The following MACROD2 variants were observed in gnomAD, a reference collection of about 807,000 sequenced individuals.
MACROD2 encodes the protein mono-ADP ribosylhydrolase 2.
Under a neutral mutation model 70.4 loss-of-function variants are expected in MACROD2, and 36 were observed. The ratio of observed to expected loss-of-function variants is 0.51; its 90% CI spans 0.39 to 0.68. The LOEUF is 0.68. Ranked by LOEUF, MACROD2 falls within the 30% of genes least tolerant of loss-of-function variation. MACROD2 has a pLI of 0.00. For synonymous variants in MACROD2, 172 were observed against 178.8 expected, an observed-to-expected ratio of 0.96 and a Z score of 0.30; for missense variants, 496 against 538.4, an observed-to-expected ratio of 0.92 and a Z score of 0.78.
intron 3 of MACROD2, among the ~76,000 whole-genome samples, chr20:14,255,169 C>T (rs1275486652): frequency 6.6e-6 from 1 of 151,962 alleles, no homozygotes; most frequent in Non-Finnish European, 1.5e-5. Context: ...CTGCCCTTAA[C>T]AATATTAACC....
At chr20:15,295,016 C>G (rs531819254) in intron 6 of MACROD2, among the ~76,000 whole-genome samples, 36 of 152,182 alleles carry the variant, frequency 2.4e-4, no homozygotes, top group Admixed American at 2.6e-4. Context: ...TTATAGCTCC[C>G]ATAATCCCCA....
At chr20:14,589,563 T>TA (rs1156961563) in intron 4 of MACROD2, among the ~76,000 whole-genome samples, 5 of 152,308 alleles carry the variant, frequency 3.3e-5, no homozygotes, top group South Asian at 2.1e-4. Flanking sequence ...TAGTTACATA[T>TA]GTAGCTCTAG....
At chr20:14,892,013 A>G (rs1046221461) in intron 5 of MACROD2, among the ~76,000 whole-genome samples, 1 of 151,486 alleles carries the variant, frequency 6.6e-6, no homozygotes, top group East Asian at 1.9e-4. Flanking sequence ...ATAATTTCCA[A>G]TGGATTTAGA....
At chr20:14,997,590 A>T (rs1324001619) in intron 5 of MACROD2, among the ~76,000 whole-genome samples, 1 of 152,232 alleles carries the variant, frequency 6.6e-6, no homozygotes, top group Non-Finnish European at 1.5e-5. Context: ...AGTAAAATAA[A>T]GCATGATGTA....
rs190301728 is a variant in MACROD2 at position 15,247,166 on chromosome 20, T to G, written c.540+17105T>G. Among the ~76,000 whole-genome samples the G allele has an allele frequency of 4.2e-4, 64 of 152,358 alleles. 1 individual carries two copies. The highest frequency in any genetic ancestry group is 4.1e-3 in the Admixed American group (63 of 15,304). On this transcript the variant is annotated intron_variant, in intron 6 of 17. Transcript: ENST00000684519. ...ATACTAAGAACACTGATTTGCACAC[T>G]GTTAAATGGCAAATTTTATGGTATT...
intron 8 of MACROD2, among the ~76,000 whole-genome samples, chr20:15,700,649 A>G (rs527579819): frequency 8.4e-4 from 128 of 152,324 alleles, no homozygotes; most frequent in African/African-American, 3.0e-3. Context: ...TAACTGTAGA[A>G]GACCTCAATT....
intron 5 of MACROD2, among the ~76,000 whole-genome samples, chr20:15,042,015 C>T (rs1164770858): frequency 6.6e-6 from 1 of 151,992 alleles, no homozygotes; most frequent in Non-Finnish European, 1.5e-5. Flanking sequence ...CATTCAGGGA[C>T]AAGAAGATTA....
At chr20:14,992,797 AT>A (rs957217931) in intron 5 of MACROD2, among the ~76,000 whole-genome samples, 26 of 150,470 alleles carry the variant, frequency 1.7e-4, no homozygotes, top group Non-Finnish European at 3.1e-4. Flanking sequence ...TTTCTTTGAA[AT>A]TTTTTTAAAA....
intron 5 of MACROD2, among the ~76,000 whole-genome samples, chr20:15,099,427 G>A (rs2075856232): frequency 6.6e-6 from 1 of 152,204 alleles, no homozygotes; most frequent in South Asian, 2.1e-4. Context: ...GAGAGGCCAT[G>A]TGAGTTCACA....
At chr20:14,320,964 G>T (rs1241666149) in intron 3 of MACROD2, among the ~76,000 whole-genome samples, 5 of 152,114 alleles carry the variant, frequency 3.3e-5, no homozygotes, top group Non-Finnish European at 7.3e-5. Context: ...TCAAATAGAT[G>T]TAGTTGTTTC....
chr20:14,789,973 T>C (rs931909547), intron 5 of MACROD2, among the ~76,000 whole-genome samples: 1 of 152,112 alleles, frequency 6.6e-6, no homozygotes, highest in Non-Finnish European at 1.5e-5. Context: ...CATTTTCTAT[T>C]AGAAAAATGT....
chr20:14,248,684 T>TA (rs201483842), intron 3 of MACROD2, among the ~76,000 whole-genome samples: 3,768 of 152,238 alleles, frequency 0.025, 138 homozygotes, highest in African/African-American at 0.084. Flanking sequence ...GGTTTAGACT[T>TA]ATATCCCATC....
At chr20:15,599,696 A>C (rs766926908) in intron 8 of MACROD2, among the ~76,000 whole-genome samples, 7 of 152,256 alleles carry the variant, frequency 4.6e-5, no homozygotes, top group Non-Finnish European at 1.0e-4. Flanking sequence ...TGTAGGAACC[A>C]ATATGTCTAT....
At chr20:15,644,269 T>A (rs1197319071) in intron 8 of MACROD2, among the ~76,000 whole-genome samples, 14 of 152,146 alleles carry the variant, frequency 9.2e-5, no homozygotes, top group Admixed American at 9.2e-4. Flanking sequence ...ACCTCCAGCA[T>A]CTAAACCTCC....
intron 8 of MACROD2, among the ~76,000 whole-genome samples, chr20:15,515,472 C>T (rs936537440): frequency 6.6e-5 from 10 of 152,162 alleles, no homozygotes; most frequent in Non-Finnish European, 1.5e-4. Flanking sequence ...GTGAATTTTT[C>T]CTTGGCCTTA....
At chr20:15,096,199 G>A (rs531710506) in intron 5 of MACROD2, among the ~76,000 whole-genome samples, 7 of 151,996 alleles carry the variant, frequency 4.6e-5, no homozygotes, top group East Asian at 3.9e-4. Flanking sequence ...CTTTCTCCAC[G>A]GGGCCAAAGA....
chr20:15,262,000 G>C (rs1254595058), intron 6 of MACROD2, among the ~76,000 whole-genome samples: 1 of 151,642 alleles, frequency 6.6e-6, no homozygotes, highest in African/African-American at 2.4e-5. Context: ...ACTCACATCA[G>C]GTTAAATGGG....
intron 5 of MACROD2, among the ~76,000 whole-genome samples, chr20:15,014,752 A>G (rs961063430): frequency 1.3e-5 from 2 of 152,212 alleles, no homozygotes; most frequent in Non-Finnish European, 2.9e-5. Context: ...ATTGTAAAAA[A>G]CAGAAATCTA....
intron 5 of MACROD2, among the ~76,000 whole-genome samples, chr20:15,214,127 C>T (rs867504535): frequency 6.6e-6 from 1 of 152,110 alleles, no homozygotes; most frequent in Admixed American, 6.5e-5. Context: ...TTTTTCCTAT[C>T]TGAAGAAGTA....
Sources: gnomAD v4.1 joint callset for allele counts (sites outside exome capture counted in the v4.1 genomes callset) on GRCh38, gnomAD v4.1.1 for gene constraint, MANE v1.5 for transcripts, NCBI Gene and HGNC (gene_info 2026-07-23, HGNC 2026-07-21) for gene names.